The following SLC19A1 variants were observed in gnomAD, a reference collection of about 807,000 sequenced individuals.
SLC19A1 encodes solute carrier family 19 member 1, also known as reduced folate transporter.
In SLC19A1, 37 loss-of-function variants were observed where a neutral mutation model predicts 35.3. The observed-to-expected ratio is 1.05, with a 90% CI of 0.81 to 1.38. SLC19A1 has a LOEUF of 1.38. Among genes scored for constraint, SLC19A1 ranks in the 40% most tolerant of loss-of-function variants. SLC19A1 has a pLI of 0.00. For synonymous variants in SLC19A1, 460 were observed against 398.5 expected, an observed-to-expected ratio of 1.15 and a Z score of -1.84; for missense variants, 831 against 826.9, an observed-to-expected ratio of 1.00 and a Z score of -0.06.
downstream of SLC19A1, chr21:45,511,279 G>C: frequency 2.1e-6 from 2 of 956,048 alleles, no homozygotes; most frequent in South Asian, 2.8e-5. Context: ...CAGGGAAGGC[G>C]GGCGGGCGGG....
intron 1 of SLC19A1, among the ~76,000 whole-genome samples, chr21:45,538,813 G>A (rs907859145): frequency 6.6e-6 from 1 of 152,168 alleles, no homozygotes; most frequent in Non-Finnish European, 1.5e-5. Flanking sequence ...GTTCCAGATG[G>A]AGCACCCCAG....
chr21:45,545,594 G>A (rs115650364), upstream of SLC19A1, among the ~76,000 whole-genome samples: 101 of 151,912 alleles, frequency 6.6e-4, 1 homozygote, highest in African/African-American at 2.4e-3. Context: ...CCCCTCATAC[G>A]TACACACACG....
At chr21:45,532,817 A>T (rs556413200) in intron 2 of SLC19A1, among the ~76,000 whole-genome samples, 1 of 152,244 alleles carries the variant, frequency 6.6e-6, no homozygotes, top group African/African-American at 2.4e-5. Flanking sequence ...ACCCATACAC[A>T]TTCACACCAG....
chr21:45,539,383 T>A (rs2078234326), intron 1 of SLC19A1, among the ~76,000 whole-genome samples: 1 of 152,260 alleles, frequency 6.6e-6, no homozygotes, highest in African/African-American at 2.4e-5. Context: ...CCGTCCCATC[T>A]GCACTGGGCT....
chr21:45,521,047 A>G (rs2146249724), intron 5 of SLC19A1, among the ~76,000 whole-genome samples: 1 of 152,080 alleles, frequency 6.6e-6, no homozygotes, highest in South Asian at 2.1e-4. Context: ...AACGAAAAAA[A>G]GATACCAGGG....
intron 5 of SLC19A1, among the ~76,000 whole-genome samples, chr21:45,520,334 T>G (rs956156925): frequency 6.6e-6 from 1 of 151,858 alleles, no homozygotes; most frequent in African/African-American, 2.4e-5. Context: ...TTCCAGCCAG[T>G]GCACTAAGTC....
At chr21:45,546,693 T>C (rs1389716511), upstream of SLC19A1, among the ~76,000 whole-genome samples, 1 of 152,160 alleles carries the variant, frequency 6.6e-6, no homozygotes, top group African/African-American at 2.4e-5. Flanking sequence ...AACATTAAAA[T>C]AACCAGTGGA....
Position 45,517,855 on chromosome 21 carries a change from T to C in SLC19A1, c.1294-1715A>G, listed in dbSNP as rs567102948. Among the ~76,000 whole-genome samples the C allele has an allele frequency of 6.6e-6, 1 of 151,756 alleles. No homozygotes were observed. Among genetic ancestry groups the C allele is most frequent in the East Asian group, 1.9e-4 (1 of 5,172 alleles). ...TCCCTCAGGTGTCACAAAGGCTGAG[T>C]GAGAGCCTGGACTTCCACCCCACCT... On this transcript the variant is annotated intron_variant, in intron 5 of 5. Coordinates refer to ENST00000311124, the MANE Select transcript of SLC19A1 (RefSeq NM_194255.4). The surrounding 1 kb of genome is among the most constrained non-coding windows in gnomAD (Gnocchi z 4.4).
At chr21:45,532,925 C>G (rs945802518) in intron 2 of SLC19A1, among the ~76,000 whole-genome samples, 1 of 152,064 alleles carries the variant, frequency 6.6e-6, no homozygotes, top group African/African-American at 2.4e-5. Flanking sequence ...AGGGACTGTT[C>G]GTGGGGGAAC....
In SLC19A1 at chr21:45,525,868, G is replaced by T. The variant is rs57725551; in HGVS notation, c.1242C>A (p.Ile414=). 4,922 of 1,613,618 alleles carry T rather than the reference G, an allele frequency of 3.1e-3. 74 individuals carry two copies. The highest frequency in any genetic ancestry group is 0.023 in the South Asian group (2,101 of 91,082). ...TFFATIVKTI[I]TFIVSDVRGL... The stretch of plus-strand genomic sequence containing the variant: ...CCCGCACGTCCGAGACAATGAAAGT[G>T]ATGATGGTCTTGACGATGGTGGCAA... Residue 414 remains isoleucine (I), a synonymous_variant, in exon 5 of 6, where the codon ATC becomes ATA. Transcript: ENST00000311124.
chr21:45,508,125 G>T (rs73370874), downstream of SLC19A1, among the ~76,000 whole-genome samples: 1 of 151,156 alleles, frequency 6.6e-6, no homozygotes. Context: ...GTGAGTGGAC[G>T]GGTGGGTGGG....
At chr21:45,507,181 G>A (rs1217223537) in intron 3 of SLC19A1, 6 of 201,632 alleles carry the variant, frequency 3.0e-5, no homozygotes, top group South Asian at 2.0e-4. Flanking sequence ...AGGGAGAGGC[G>A]GGTGCTGGGC....
At chr21:45,510,932 C>A (rs1568953933), downstream of SLC19A1, among the ~76,000 whole-genome samples, 2 of 141,970 alleles carry the variant, frequency 1.4e-5, no homozygotes, top group Admixed American at 6.9e-5. Context: ...CCCCACCCCC[C>A]AAAAAAACAC....
intron 3 of SLC19A1, chr21:45,506,094 C>G: frequency 7.0e-7 from 1 of 1,431,314 alleles, no homozygotes; most frequent in South Asian, 1.2e-5. Flanking sequence ...GCTTCTTAAA[C>G]TTTCAAACTT....
Position 45,503,990 on chromosome 21 carries a change from C to T in SLC19A1, c.498-5378G>A, listed in dbSNP as rs182385875. On this transcript the variant is annotated intron_variant, in intron 3 of 4. Coordinates refer to the SLC19A1 transcript ENST00000417954. Reference sequence around the variant, plus strand: ...TGTCAGACACCACCTCAGCGAGACCCCGCCTGTCTCTCTCTTGCAGGGCAG... The same window carrying T: ...TGTCAGACACCACCTCAGCGAGACCTCGCCTGTCTCTCTCTTGCAGGGCAG... 6.1e-4 allele frequency: 977 copies of T among 1,613,412 alleles called. 2 individuals carry two copies. The highest frequency in any genetic ancestry group is 7.5e-4 in the Non-Finnish European group (889 of 1,179,946).
downstream of SLC19A1, chr21:45,510,331 G>A (rs977551159): frequency 5.1e-5 from 76 of 1,502,898 alleles, no homozygotes; most frequent in Middle Eastern, 1.7e-4. Context: ...AACTCCCAGC[G>A]GGGAGCTCCC....
At chr21:45,523,856 T>G (rs1377031704) in intron 5 of SLC19A1, among the ~76,000 whole-genome samples, 1 of 152,172 alleles carries the variant, frequency 6.6e-6, no homozygotes, top group Non-Finnish European at 1.5e-5. Context: ...GCTCCAAGAA[T>G]GGGGAGGACC....
At chr21:45,555,453 TG>T (rs2078550129) in intron 1 of SLC19A1, among the ~76,000 whole-genome samples, 1 of 56,016 alleles carries the variant, frequency 1.8e-5, no homozygotes, top group South Asian at 8.9e-4. Flanking sequence ...GGGAGGGGGA[TG>T]GGGGAGGTTG....
rs1457080866 is a variant in SLC19A1 at position 45,530,141 on chromosome 21, G to A, written c.1151+629C>T. Among the ~76,000 whole-genome samples the A allele has an allele frequency of 6.7e-6, 1 of 150,052 alleles. No homozygotes were observed. Among genetic ancestry groups the A allele is most frequent in the Non-Finnish European group, 1.5e-5 (1 of 67,460 alleles). On this transcript the variant is annotated intron_variant, in intron 4 of 5. Transcript: ENST00000311124. This position sits in a 1 kb window ranked among gnomAD's most constrained non-coding sequence, Gnocchi z 5.3. Reference sequence around the variant, plus strand: ...GTGAGCGTGTGGTGTGTTCATGTGAGTGTGCATTGTGTGTCCGTGTGTGTG... The same window carrying A: ...GTGAGCGTGTGGTGTGTTCATGTGAATGTGCATTGTGTGTCCGTGTGTGTG...
Sources: allele counts gnomAD v4.1 joint callset (sites outside exome capture counted in the v4.1 genomes callset), GRCh38; gene constraint gnomAD v4.1.1; non-coding constraint Gnocchi (gnomAD v3.1); transcripts MANE v1.5; gene names NCBI Gene and HGNC (gene_info 2026-07-23, HGNC 2026-07-21).